ELF1: variants seen among roughly 807,000 people sequenced by gnomAD.
The protein encoded by ELF1 is ETS-related transcription factor Elf-1.
ELF1 carries 24 observed loss-of-function variants against 59.9 expected under a neutral mutation model. That is an observed-to-expected ratio of 0.40 (90% CI 0.29 to 0.56). The LOEUF is 0.56. Ranked by LOEUF, ELF1 falls within the 20% of genes least tolerant of loss-of-function variation. The probability of loss-of-function intolerance (pLI) is 0.44; values close to 1 mark genes in which losing one functional copy is unlikely to be tolerated. For missense variants in ELF1, 627 were observed against 742.2 expected (o/e 0.84, Z 1.80); for synonymous variants, 248 against 266.2 (o/e 0.93, Z 0.67).
At position 40,951,416 on chromosome 13, in the gene ELF1, C is replaced by T. The variant is rs748155244; in HGVS notation, c.274G>A (p.Gly92Arg). 28 of 1,613,442 alleles carry T rather than the reference C, an allele frequency of 1.7e-5. No homozygotes were observed. In the South Asian group the frequency reaches 2.1e-4, roughly 12 times the overall value. ...TLTVEASCHD[G>R]DETIETIEAA... ...TCAATAGTTTCAATTGTTTCATCCC[C>T]GTCATGACAAGAAGCTTCAACTGCA... Residue 92 changes from glycine (G) to arginine (R), a missense_variant, in exon 4 of 9, where the codon GGG becomes AGG. By Grantham distance (125) the Gly-to-Arg change is moderately radical. Around this residue, in one of 3 missense-constraint regions of ELF1, gnomAD observed 232 missense variants for 269.2 expected, o/e 0.86. Coordinates refer to ENST00000239882, the MANE Select transcript of ELF1 (RefSeq NM_172373.4).
chr13:40,936,112 A>T (rs937930967), intron 8 of ELF1, among the ~76,000 whole-genome samples: 4 of 152,120 alleles, frequency 2.6e-5, no homozygotes, highest in African/African-American at 9.7e-5. Context: ...TCCCCATCTT[A>T]CATACGAAAA....
At chr13:41,042,522 T>C (rs1593409539) in intron 1 of ELF1, among the ~76,000 whole-genome samples, 2 of 152,116 alleles carry the variant, frequency 1.3e-5, no homozygotes, top group South Asian at 4.1e-4. Flanking sequence ...AGTGTTCTCA[T>C]TGTTCAATTC....
chr13:40,985,211 T>C (rs1873490822), intron 1 of ELF1, among the ~76,000 whole-genome samples: 1 of 152,222 alleles, frequency 6.6e-6, no homozygotes, highest in African/African-American at 2.4e-5. Flanking sequence ...ACTTATATAC[T>C]CTTCTGCATC....
At chr13:40,937,370 T>A (rs990621939) in intron 8 of ELF1, among the ~76,000 whole-genome samples, 3 of 152,230 alleles carry the variant, frequency 2.0e-5, no homozygotes, top group Non-Finnish European at 4.4e-5. Flanking sequence ...CACAGCCAAG[T>A]GGAAGGTTAA....
At chr13:40,993,631 C>T (rs560176137) in intron 1 of ELF1, among the ~76,000 whole-genome samples, 4 of 152,192 alleles carry the variant, frequency 2.6e-5, no homozygotes, top group South Asian at 4.2e-4. Context: ...TAGGTGTGTA[C>T]TACCACACCT....
At chr13:40,996,368 A>G (rs1874128357) in intron 1 of ELF1, among the ~76,000 whole-genome samples, 1 of 152,264 alleles carries the variant, frequency 6.6e-6, no homozygotes, top group Middle Eastern at 3.2e-3. Context: ...GGATGTTTAC[A>G]GCAGCTTTAT....
chr13:41,033,466 T>C (rs932189745), intron 1 of ELF1, among the ~76,000 whole-genome samples: 7 of 152,196 alleles, frequency 4.6e-5, no homozygotes, highest in Non-Finnish European at 8.8e-5. Context: ...GAGCTAACTA[T>C]TGATAAATAC....
At chr13:40,951,239 T>C in intron 4 of ELF1, 90 bp downstream of exon 4, 2 of 1,067,194 alleles carry the variant, frequency 1.9e-6, no homozygotes, top group Admixed American at 2.7e-5. Context: ...ATATATAACA[T>C]CATTTCTAAT....
intron 2 of ELF1, among the ~76,000 whole-genome samples, chr13:40,964,545 A>G (rs1872057900): frequency 6.6e-6 from 1 of 151,794 alleles, no homozygotes; most frequent in Admixed American, 6.6e-5. Context: ...GATGGAGTGC[A>G]GTGGCGTGAT....
intron 2 of ELF1, among the ~76,000 whole-genome samples, chr13:40,973,599 A>C (rs1348768819): frequency 6.6e-6 from 1 of 151,764 alleles, no homozygotes; most frequent in African/African-American, 2.4e-5. Context: ...GTTAGGGGAA[A>C]TTTTTTTAAG....
At chr13:40,983,218 T>C (rs1031415113) in intron 1 of ELF1, among the ~76,000 whole-genome samples, 5 of 152,330 alleles carry the variant, frequency 3.3e-5, no homozygotes, top group Admixed American at 3.3e-4. Context: ...ATAATCACAT[T>C]AAATAACATT....
intron 1 of ELF1, among the ~76,000 whole-genome samples, chr13:41,055,842 A>G (rs1387170213): frequency 2.0e-5 from 3 of 148,522 alleles, no homozygotes; most frequent in Admixed American, 6.7e-5. Flanking sequence ...GCACCACCAC[A>G]CCAGCTAATT....
Position 40,940,965 on chromosome 13 carries a change from A to T in ELF1, c.1212T>A (p.Ser404Arg). 1 of 1,614,176 alleles carries T rather than the reference A, an allele frequency of 6.2e-7. No homozygotes were observed. Among genetic ancestry groups the T allele is most frequent in the Non-Finnish European group, 8.5e-7 (1 of 1,180,026 alleles). Residue 404 changes from serine (S) to arginine (R), a missense_variant, in exon 8 of 9, where the codon AGT becomes AGA. Coordinates refer to ENST00000239882, the MANE Select transcript of ELF1 (RefSeq NM_172373.4). ...AVPEGEAART[S>R]TMQDETLNSS... Reference sequence around the variant, plus strand: ...AATTTAATGTTTCATCCTGCATGGTACTGGTTCTAGCTGCTTCTCCCTCTG... The same window carrying T: ...AATTTAATGTTTCATCCTGCATGGTTCTGGTTCTAGCTGCTTCTCCCTCTG...
At chr13:40,992,957 T>G in intron 1 of ELF1, 1 of 875,932 alleles carries the variant, frequency 1.1e-6, no homozygotes. Flanking sequence ...TGATTACTTT[T>G]TTGTTCTGTT....
rs549710262 is a variant in ELF1 at position 41,019,001 on chromosome 13, C to T, written c.-229+227G>A. ...CTTAAATTACATAGAAAAAAAATCA[C>T]AAAGACATACAAAATGCTTTAGCAA... is the stretch of plus-strand genomic sequence containing the variant. On this transcript the variant is annotated intron_variant, in intron 1 of 8. Coordinates refer to ENST00000239882, the MANE Select transcript of ELF1 (RefSeq NM_172373.4). 1.3e-3 allele frequency among the ~76,000 whole-genome samples: 191 copies of T among 152,254 alleles called. 2 individuals are homozygous for T. The highest frequency in any genetic ancestry group is 4.4e-3 in the African/African-American group (182 of 41,554).
At chr13:40,956,571 CAAAAAAAAAA>C (rs34245662) in intron 3 of ELF1, among the ~76,000 whole-genome samples, 4 of 76,146 alleles carry the variant, frequency 5.3e-5, no homozygotes, top group Non-Finnish European at 1.1e-4. Flanking sequence ...CAAGAATGAT[CAAAAAAAAAA>C]AAAAAAAAAA....
chr13:41,050,893 C>A (rs1216533307), intron 1 of ELF1, among the ~76,000 whole-genome samples: 2 of 152,154 alleles, frequency 1.3e-5, no homozygotes, highest in Non-Finnish European at 2.9e-5. Flanking sequence ...TCCATTGTGG[C>A]CAGAACATTT....
In ELF1 at chr13:40,943,938, C is replaced by T. The variant is rs998546904; in HGVS notation, c.530-13G>A. 1.9e-6 allele frequency: 3 copies of T among 1,609,740 alleles called. No individual in the cohort carries two copies. The highest frequency in any genetic ancestry group is 1.7e-5 in the Admixed American group (1 of 59,734). ...TTAGTTTTTCTTCCTGAAATAAAAA[C>T]AGCTCTGCATAAATATTTGCCTTCA... On this transcript the variant is annotated splice_polypyrimidine_tract_variant and intron_variant, in intron 5 of 8. Coordinates refer to ENST00000239882, the MANE Select transcript of ELF1 (RefSeq NM_172373.4).
Position 40,933,432 on chromosome 13 carries a change from G to A in ELF1, c.1853C>T (p.Ser618Phe). 6.2e-7 allele frequency: 1 copy of A among 1,610,106 alleles called. No homozygotes were observed. Among genetic ancestry groups the A allele is most frequent in the Non-Finnish European group, 8.5e-7 (1 of 1,178,080 alleles). ...TAAGCTTTGGTATATTAACTAAAAAGAGTTGGGTTCCAGCAGTTCGTTTTG... is the reference window on the plus strand; with the variant it reads ...TAAGCTTTGGTATATTAACTAAAAAAAGTTGGGTTCCAGCAGTTCGTTTTG... ...MKQNELLEPN[S>F]F The change falls in exon 9 of 9, where the codon TCT (serine) becomes TTT (phenylalanine). Residue 618 changes from serine to phenylalanine, a missense_variant. Ser to Phe is a radical substitution (Grantham distance 155). Around this residue, in one of 3 missense-constraint regions of ELF1, gnomAD observed 361 missense variants for 396.1 expected, o/e 0.91. Transcript: ENST00000239882.
Sources: allele counts gnomAD v4.1 joint callset (sites outside exome capture counted in the v4.1 genomes callset), GRCh38; gene constraint gnomAD v4.1.1; regional missense constraint gnomAD v4.1.1; transcripts MANE v1.5; gene names NCBI Gene and HGNC (gene_info 2026-07-23, HGNC 2026-07-21).